RANBP2: variants seen among roughly 807,000 people sequenced by gnomAD.
RANBP2 encodes E3 SUMO-protein ligase RanBP2.
Under a neutral mutation model 303.6 loss-of-function variants are expected in RANBP2, and 57 were observed. The ratio of observed to expected loss-of-function variants is 0.19; its 90% CI spans 0.15 to 0.23. RANBP2 has a LOEUF of 0.23. Among genes scored for constraint, RANBP2 ranks in the 10% least tolerant of loss-of-function variants. The probability of loss-of-function intolerance (pLI) is 1.00; values close to 1 mark genes in which losing one functional copy is unlikely to be tolerated. For synonymous variants in RANBP2, 1,167 were observed against 1,301.5 expected (o/e 0.90, Z 2.23); for missense variants, 3,138 against 3,780.8 (o/e 0.83, Z 4.46).
chr2:109,632,866 A>G, the RANBP2 span, among the ~76,000 whole-genome samples: 2 of 152,176 alleles, frequency 1.3e-5, no homozygotes, highest in East Asian at 3.9e-4. Flanking sequence ...CTTGACGTCC[A>G]AGATGAAACA....
chr2:109,676,104 A>G, the RANBP2 span, among the ~76,000 whole-genome samples: 129 of 152,292 alleles, frequency 8.5e-4, 1 homozygote, highest in African/African-American at 3.0e-3. Context: ...TGAAGCGCTC[A>G]TGAGAAGCCT....
rs149066433 is a variant in RANBP2 at position 108,764,823 on chromosome 2, T to C, written c.4284T>C (p.Asn1428=). ...HWDCSICLVR[N]EPTVSRCIAC... ...ATTGTAGTATTTGTTTAGTAAGAAATGAACCTACTGTATCTAGGTGCATTG... is the reference window on the plus strand; with the variant it reads ...ATTGTAGTATTTGTTTAGTAAGAAACGAACCTACTGTATCTAGGTGCATTG... Residue 1428 remains asparagine, a synonymous_variant, in exon 20 of 29, where the codon AAT becomes AAC. Transcript: ENST00000283195. 1.2e-6 allele frequency: 2 copies of C among 1,613,958 alleles called. No homozygotes were observed. The highest frequency in any genetic ancestry group is 8.5e-7 in the Non-Finnish European group (1 of 1,179,976).
At chr2:109,271,120 G>A in the RANBP2 span, among the ~76,000 whole-genome samples, 3 of 152,182 alleles carry the variant, frequency 2.0e-5, no homozygotes, top group Non-Finnish European at 2.9e-5. Flanking sequence ...CGAACGGGGC[G>A]AAGTGCAGGC....
At chr2:109,401,674 C>G in the RANBP2 span, among the ~76,000 whole-genome samples, 1 of 152,212 alleles carries the variant, frequency 6.6e-6, no homozygotes, top group East Asian at 1.9e-4. Flanking sequence ...CTGCCACTTT[C>G]CCACAGGCCC....
chr2:109,034,761 A>G, the RANBP2 span, among the ~76,000 whole-genome samples: 2 of 152,240 alleles, frequency 1.3e-5, no homozygotes, highest in East Asian at 3.8e-4. Flanking sequence ...CATAAGCAGC[A>G]GAGAAGGCCT....
At chr2:108,890,219 C>T in the RANBP2 span, among the ~76,000 whole-genome samples, 3 of 140,076 alleles carry the variant, frequency 2.1e-5, no homozygotes, top group Non-Finnish European at 4.5e-5. Flanking sequence ...CACTCTTAGG[C>T]TGATGGGGTT....
At chr2:109,068,915 A>AT in the RANBP2 span, among the ~76,000 whole-genome samples, 2 of 152,118 alleles carry the variant, frequency 1.3e-5, no homozygotes, top group Non-Finnish European at 2.9e-5. Flanking sequence ...AAACCAATTG[A>AT]TTTTACCATG....
the RANBP2 span, among the ~76,000 whole-genome samples, chr2:108,854,055 ATTATATATATT>A: frequency 3.4e-5 from 3 of 88,990 alleles, no homozygotes; most frequent in African/African-American, 1.4e-4. Flanking sequence ...ATAAATTTAT[ATTATATATATT>A]TTATATATAA....
At chr2:109,614,773 C>T in the RANBP2 span, 1 of 1,478,716 alleles carries the variant, frequency 6.8e-7, no homozygotes, top group South Asian at 1.3e-5. Flanking sequence ...GGGGACCCGC[C>T]GCGAATCCAG....
At chr2:108,817,654 T>C in the RANBP2 span, among the ~76,000 whole-genome samples, 1 of 152,128 alleles carries the variant, frequency 6.6e-6, no homozygotes, top group Admixed American at 6.5e-5. Context: ...CATACAAATC[T>C]CAGTGCTCTA....
chr2:109,695,185 T>G, the RANBP2 span, among the ~76,000 whole-genome samples: 1 of 152,230 alleles, frequency 6.6e-6, no homozygotes, highest in Admixed American at 6.5e-5. Context: ...TTTTTTTCTT[T>G]TTGCTTAAGG....
At chr2:109,578,103 A>C in the RANBP2 span, among the ~76,000 whole-genome samples, 5 of 152,142 alleles carry the variant, frequency 3.3e-5, no homozygotes, top group Non-Finnish European at 7.3e-5. Flanking sequence ...ATAAGCATAG[A>C]AATCAGGCAA....
chr2:108,738,989 G>C (rs962388018), intron 6 of RANBP2, among the ~76,000 whole-genome samples: 9 of 152,120 alleles, frequency 5.9e-5, no homozygotes, highest in Non-Finnish European at 1.5e-5. Context: ...TAGTCAGAAA[G>C]TGTCATTGCT....
chr2:109,644,441 T>C, the RANBP2 span, among the ~76,000 whole-genome samples: 1 of 152,168 alleles, frequency 6.6e-6, no homozygotes, highest in African/African-American at 2.4e-5. Context: ...GCGGTTCCAA[T>C]GGTATTGAAA....
At chr2:108,860,120 A>G in the RANBP2 span, among the ~76,000 whole-genome samples, 1 of 151,894 alleles carries the variant, frequency 6.6e-6, no homozygotes, top group Non-Finnish European at 1.5e-5. Flanking sequence ...ATTGGTGTAT[A>G]GAAATGCTTC....
the RANBP2 span, among the ~76,000 whole-genome samples, chr2:109,758,359 A>G: frequency 1.1e-5 from 1 of 88,784 alleles, no homozygotes; most frequent in Non-Finnish European, 2.3e-5. Context: ...AGTGAGCCGA[A>G]ATCATGCCAC....
At chr2:109,284,136 C>G in the RANBP2 span, among the ~76,000 whole-genome samples, 1 of 152,194 alleles carries the variant, frequency 6.6e-6, no homozygotes. Context: ...CCCTCAGGTA[C>G]TCAGCCCAGG....
At chr2:109,109,322 C>A in the RANBP2 span, among the ~76,000 whole-genome samples, 1 of 152,248 alleles carries the variant, frequency 6.6e-6, no homozygotes, top group African/African-American at 2.4e-5. Flanking sequence ...TGATTCGGGC[C>A]TTTGTCACTT....
the RANBP2 span, among the ~76,000 whole-genome samples, chr2:109,386,701 G>A: frequency 6.6e-6 from 1 of 152,164 alleles, no homozygotes; most frequent in African/African-American, 2.4e-5. Context: ...TGTCAGTCCA[G>A]GTCTGTGTCC....
Sources: gnomAD v4.1 joint callset for allele counts (sites outside exome capture counted in the v4.1 genomes callset) on GRCh38, gnomAD v4.1.1 for gene constraint, MANE v1.5 for transcripts, NCBI Gene and HGNC (gene_info 2026-07-23, HGNC 2026-07-21) for gene names.